CPQ: variants seen among roughly 807,000 people sequenced by gnomAD.
The protein encoded by CPQ is Ser-Met dipeptidase.
In CPQ, 37 loss-of-function variants were observed where a neutral mutation model predicts 45.7. That is an observed-to-expected ratio of 0.81 (90% confidence interval 0.62 to 1.07). The LOEUF is 1.07. Among genes scored for constraint, CPQ ranks in the 50% least tolerant of loss-of-function variants. CPQ has a pLI of 0.00. For synonymous variants in CPQ, 186 were observed against 205.8 expected, an observed-to-expected ratio of 0.90 and a Z score of 0.82; for missense variants, 537 against 572.9, an observed-to-expected ratio of 0.94 and a Z score of 0.64.
At chr8:97,060,654 A>T (rs904510183) in intron 6 of CPQ, among the ~76,000 whole-genome samples, 2 of 152,134 alleles carry the variant, frequency 1.3e-5, no homozygotes, top group Non-Finnish European at 2.9e-5. Context: ...CTCAGCAATA[A>T]AGCATTCAGC....
At chr8:96,764,085 T>A (rs1237581374) in intron 1 of CPQ, among the ~76,000 whole-genome samples, 3 of 152,186 alleles carry the variant, frequency 2.0e-5, no homozygotes, top group Non-Finnish European at 4.4e-5. Context: ...ATAGCCCTCC[T>A]TGTTATAGGA....
At chr8:97,034,857 A>G (rs1277200612) in intron 6 of CPQ, among the ~76,000 whole-genome samples, 3 of 150,428 alleles carry the variant, frequency 2.0e-5, no homozygotes, top group African/African-American at 7.3e-5. Flanking sequence ...CAGTTTATCC[A>G]TGTTGTTGCA....
At chr8:96,825,303 G>A (rs192547578) in intron 2 of CPQ, among the ~76,000 whole-genome samples, 43 of 152,150 alleles carry the variant, frequency 2.8e-4, no homozygotes, top group Non-Finnish European at 6.0e-4. Flanking sequence ...CCTATAGTTA[G>A]GATGTAAGGT....
At chr8:97,099,066 T>G (rs1811256121) in intron 7 of CPQ, among the ~76,000 whole-genome samples, 1 of 151,698 alleles carries the variant, frequency 6.6e-6, no homozygotes, top group Non-Finnish European at 1.5e-5. Context: ...AGATGCTAAA[T>G]TTTCCAAGAT....
chr8:96,818,163 G>A (rs1811254432), intron 2 of CPQ, among the ~76,000 whole-genome samples: 1 of 151,920 alleles, frequency 6.6e-6, no homozygotes, highest in South Asian at 2.1e-4. Context: ...AGGGAAGCCT[G>A]AGGAGAGGGA....
chr8:97,018,424 A>G (rs913085740), intron 5 of CPQ, among the ~76,000 whole-genome samples: 1 of 152,244 alleles, frequency 6.6e-6, no homozygotes, highest in South Asian at 2.1e-4. Context: ...TCAGAAGGTT[A>G]GTTGTTAAGC....
intron 1 of CPQ, among the ~76,000 whole-genome samples, chr8:96,749,672 A>G (rs961786558): frequency 1.3e-5 from 2 of 152,192 alleles, no homozygotes; most frequent in African/African-American, 4.8e-5. Context: ...AGCGAAATTC[A>G]AGGACACAGT....
intron 4 of CPQ, among the ~76,000 whole-genome samples, chr8:96,895,885 C>T (rs1281491504): frequency 1.3e-5 from 2 of 152,120 alleles, no homozygotes; most frequent in Non-Finnish European, 2.9e-5. Flanking sequence ...CATGTTCTTC[C>T]TTAGTTATGC....
chr8:96,871,437 T>G (rs995706550), intron 3 of CPQ, among the ~76,000 whole-genome samples: 6 of 151,908 alleles, frequency 3.9e-5, no homozygotes, highest in East Asian at 1.9e-4. Context: ...AGTAGATATC[T>G]TTCTAATAAT....
chr8:96,834,872 G>T, intron 2 of CPQ, 101 bp from the exon 3 acceptor site: 1 of 981,872 alleles, frequency 1.0e-6, no homozygotes. Flanking sequence ...ATACCAGTTT[G>T]CCAGATGTAG....
Position 96,737,792 on chromosome 8 carries a change from A to G in CPQ, c.-34-47072A>G, listed in dbSNP as rs1039582956. ...TTTTCACCCTTTCTTGTTTCTTATT[A>G]TAAGTATTTAAGGCTATAAATCTTC... On this transcript the variant is annotated intron_variant, in intron 1 of 7. Transcript: ENST00000220763. Among the ~76,000 whole-genome samples the G allele has an allele frequency of 5.3e-5, 8 of 152,240 alleles. No individual in the cohort carries two copies. In the East Asian group the frequency reaches 1.4e-3, roughly 26 times the overall value.
intron 1 of CPQ, among the ~76,000 whole-genome samples, chr8:96,727,422 G>A (rs1254007008): frequency 6.6e-6 from 1 of 152,116 alleles, no homozygotes; most frequent in Non-Finnish European, 1.5e-5. Flanking sequence ...AGCAGTCCTT[G>A]CTCCTGACAT....
intron 2 of CPQ, among the ~76,000 whole-genome samples, chr8:96,797,617 A>G (rs558636562): frequency 4.6e-5 from 7 of 152,310 alleles, no homozygotes; most frequent in South Asian, 4.1e-4. Flanking sequence ...CATTTGCCAT[A>G]TAAGTTAAAG....
At position 96,771,838 on chromosome 8, in the gene CPQ, A is replaced by G. The variant is rs150889146; in HGVS notation, c.-34-13026A>G. On this transcript the variant is annotated intron_variant, in intron 1 of 7. Coordinates refer to ENST00000220763, the MANE Select transcript of CPQ (RefSeq NM_016134.4). ...AACTAATTCAGGTATCACCTCCTAT[A>G]TTGCCTGCCTATGTTCACTTACTAC... Among the ~76,000 whole-genome samples, 238 of 152,160 alleles carry G rather than the reference A, an allele frequency of 1.6e-3. 2 individuals are homozygous for G. Among genetic ancestry groups the G allele is most frequent in the African/African-American group, 5.5e-3 (229 of 41,518 alleles).
chr8:97,118,366 TC>T (rs1035347930), intron 7 of CPQ, among the ~76,000 whole-genome samples: 1 of 152,080 alleles, frequency 6.6e-6, no homozygotes, highest in Non-Finnish European at 1.5e-5. Flanking sequence ...CAATTCAGCC[TC>T]CCCAGGTCCT....
chr8:97,018,867 C>A (rs767071300), intron 5 of CPQ, among the ~76,000 whole-genome samples: 14 of 152,246 alleles, frequency 9.2e-5, no homozygotes, highest in Admixed American at 3.9e-4. Flanking sequence ...CATCCAAATA[C>A]AAGAAACTCA....
chr8:96,681,104 GA>G (rs1459529911), intron 1 of CPQ, among the ~76,000 whole-genome samples: 2 of 152,192 alleles, frequency 1.3e-5, no homozygotes, highest in Non-Finnish European at 2.9e-5. Flanking sequence ...CAATGCAATA[GA>G]AAAGATAATC....
At chr8:97,081,744 C>G (rs1387375436) in intron 7 of CPQ, among the ~76,000 whole-genome samples, 1 of 152,106 alleles carries the variant, frequency 6.6e-6, no homozygotes, top group Non-Finnish European at 1.5e-5. Context: ...TAATATGCAG[C>G]CAGAATTGAG....
At chr8:97,061,218 C>A (rs189029071) in intron 6 of CPQ, among the ~76,000 whole-genome samples, 2 of 152,136 alleles carry the variant, frequency 1.3e-5, no homozygotes, top group Non-Finnish European at 2.9e-5. Flanking sequence ...TTATTTTAGG[C>A]TTTTTATTTA....
Sources: allele counts gnomAD v4.1 joint callset (sites outside exome capture counted in the v4.1 genomes callset), GRCh38; gene constraint gnomAD v4.1.1; transcripts MANE v1.5; gene names NCBI Gene and HGNC (gene_info 2026-07-23, HGNC 2026-07-21).